Variants in SLIT3 observed in about 807,000 individuals in gnomAD.
The protein encoded by SLIT3 is slit homolog 3 protein.
A neutral mutation model predicts 184.0 loss-of-function variants in SLIT3; 68 were observed. The observed-to-expected ratio is 0.37, with a 90% confidence interval of 0.30 to 0.45. The LOEUF (loss-of-function observed/expected upper bound fraction) is 0.45, where lower values mean the gene tolerates loss of function less well. Among genes scored for constraint, SLIT3 ranks in the 20% least tolerant of loss-of-function variants. The probability of loss-of-function intolerance (pLI) is 1.00; values close to 1 mark genes in which losing one functional copy is unlikely to be tolerated. For missense variants in SLIT3, 1,707 were observed against 2,026.0 expected (o/e 0.84, Z 3.02); for synonymous variants, 831 against 828.6 (o/e 1.00, Z -0.05).
At chr5:169,195,836 T>C (rs13161677) in intron 3 of SLIT3, among the ~76,000 whole-genome samples, 22,464 of 152,222 alleles carry the variant, frequency 0.15, 2,275 homozygotes, top group Non-Finnish European at 0.23. Context: ...GAGGGAAGCC[T>C]GACTCTTACC....
rs796069021 is a variant in SLIT3, at chr5:168,746,386, G to GT, written c.2270+1915_2270+1916insA. 9.9e-3 allele frequency among the ~76,000 whole-genome samples: 607 copies of GT among 61,136 alleles called. 10 individuals are homozygous for GT. The highest frequency in any genetic ancestry group is 0.012 in the East Asian group (21 of 1,734). 40.1% of individuals were successfully genotyped at this position (61,136 alleles called of 152,430 possible). On this transcript the variant is annotated intron_variant, in intron 20 of 35. Coordinates refer to ENST00000519560, the MANE Select transcript of SLIT3 (RefSeq NM_003062.4). The stretch of plus-strand genomic sequence containing the variant: ...GTGTGGTGTGTGAGTGTGGTGGTGT[G>GT]GGTGTGTGGTGTCTGGTGGTGTGTA...
chr5:169,296,212 T>C (rs2113666624), intron 1 of SLIT3, among the ~76,000 whole-genome samples: 1 of 152,362 alleles, frequency 6.6e-6, no homozygotes, highest in African/African-American at 2.4e-5. Flanking sequence ...CTTGTAGTTT[T>C]GAGGTTCATT....
At chr5:169,276,290 A>G (rs1333613050) in intron 1 of SLIT3, among the ~76,000 whole-genome samples, 1 of 152,152 alleles carries the variant, frequency 6.6e-6, no homozygotes, top group East Asian at 1.9e-4. Flanking sequence ...CTCTGCTCAC[A>G]GCCCAGGAGA....
intron 4 of SLIT3, among the ~76,000 whole-genome samples, chr5:168,930,875 A>G (rs1222897659): frequency 1.3e-5 from 2 of 151,928 alleles, no homozygotes; most frequent in African/African-American, 4.8e-5. Flanking sequence ...GCCATGAGTG[A>G]TGTGCCTCCT....
chr5:168,832,087 A>G (rs542488409), intron 6 of SLIT3, among the ~76,000 whole-genome samples: 6 of 152,346 alleles, frequency 3.9e-5, no homozygotes, highest in Middle Eastern at 3.4e-3. Flanking sequence ...CTGCCTTCCA[A>G]TGATGGAGTT....
chr5:169,200,982 T>C (rs1763890022), intron 3 of SLIT3, among the ~76,000 whole-genome samples: 1 of 152,216 alleles, frequency 6.6e-6, no homozygotes, highest in Non-Finnish European at 1.5e-5. Flanking sequence ...TTTAGTTGAA[T>C]GATGCTATTC....
At chr5:168,939,087 G>A (rs1398962819) in intron 4 of SLIT3, among the ~76,000 whole-genome samples, 2 of 152,166 alleles carry the variant, frequency 1.3e-5, no homozygotes, top group East Asian at 1.9e-4. Context: ...AGGAATGGGC[G>A]CCTTGGGAGA....
intron 3 of SLIT3, among the ~76,000 whole-genome samples, chr5:169,214,709 C>T (rs974578671): frequency 2.6e-5 from 4 of 152,210 alleles, no homozygotes; most frequent in South Asian, 2.1e-4. Flanking sequence ...ATGAATCCAA[C>T]GTGACATCTC....
At chr5:169,095,502 T>C (rs2113214400) in intron 4 of SLIT3, among the ~76,000 whole-genome samples, 1 of 152,132 alleles carries the variant, frequency 6.6e-6, no homozygotes, top group African/African-American at 2.4e-5. Flanking sequence ...TTGAGAAGAG[T>C]AAAGCCTCCT....
intron 4 of SLIT3, among the ~76,000 whole-genome samples, chr5:169,079,670 A>G (rs1291032920): frequency 4.7e-5 from 2 of 42,238 alleles, no homozygotes; most frequent in African/African-American, 1.1e-4. Flanking sequence ...GGAGGAGGGA[A>G]GAGGAGGAGG....
chr5:168,965,353 A>C (rs920855243), intron 4 of SLIT3, among the ~76,000 whole-genome samples: 23 of 152,218 alleles, frequency 1.5e-4, no homozygotes, highest in African/African-American at 5.1e-4. Flanking sequence ...TGGATCTAAA[A>C]CAGAAAGATG....
intron 4 of SLIT3, among the ~76,000 whole-genome samples, chr5:169,085,580 A>G (rs1394189717): frequency 2.6e-5 from 4 of 152,216 alleles, no homozygotes; most frequent in African/African-American, 7.2e-5. Context: ...TGGCTGTTTA[A>G]GCCTTGATGA....
chr5:168,798,548 C>T (rs906257497), intron 9 of SLIT3, among the ~76,000 whole-genome samples: 7 of 152,066 alleles, frequency 4.6e-5, no homozygotes, highest in African/African-American at 1.7e-4. Flanking sequence ...TTCTTGTCTG[C>T]AGTTACTCAG....
intron 4 of SLIT3, among the ~76,000 whole-genome samples, chr5:168,897,499 A>G (rs1384788974): frequency 6.6e-6 from 1 of 152,160 alleles, no homozygotes; most frequent in Non-Finnish European, 1.5e-5. Flanking sequence ...CAATAAAACC[A>G]GAGAAAGCAA....
intron 4 of SLIT3, chr5:169,023,890 G>A (rs1756703555): frequency 6.6e-6 from 1 of 152,088 alleles, no homozygotes. Flanking sequence ...GAAAGACTGA[G>A]GCTGGGAAAA....
intron 23 of SLIT3, among the ~76,000 whole-genome samples, chr5:168,713,596 G>A (rs536571956): frequency 1.7e-3 from 264 of 152,350 alleles, no homozygotes; most frequent in African/African-American, 6.3e-3. Flanking sequence ...AGTCCTAGTA[G>A]AACAAAGAGA....
At chr5:168,976,998 A>G (rs1170339331) in intron 4 of SLIT3, among the ~76,000 whole-genome samples, 1 of 151,896 alleles carries the variant, frequency 6.6e-6, no homozygotes, top group Non-Finnish European at 1.5e-5. Flanking sequence ...TTTACCTCTG[A>G]ATTATTTATC....
At chr5:169,048,245 A>G (rs2113049820) in intron 4 of SLIT3, among the ~76,000 whole-genome samples, 1 of 152,314 alleles carries the variant, frequency 6.6e-6, no homozygotes, top group East Asian at 1.9e-4. Context: ...CAAGCCTCAG[A>G]TTTCCTCATC....
intron 4 of SLIT3, among the ~76,000 whole-genome samples, chr5:169,044,857 GCT>G (rs530112123): frequency 1.1e-3 from 171 of 152,316 alleles, no homozygotes; most frequent in Non-Finnish European, 1.9e-3. Flanking sequence ...GTAGACCCCA[GCT>G]CTGTTTCTGG....
Sources: allele counts gnomAD v4.1 joint callset (sites outside exome capture counted in the v4.1 genomes callset), GRCh38; gene constraint gnomAD v4.1.1; transcripts MANE v1.5; gene names NCBI Gene and HGNC (gene_info 2026-07-23, HGNC 2026-07-21).